Variants in F13A1 observed in about 807,000 individuals in gnomAD.
F13A1 encodes FSF, A subunit.
A neutral mutation model predicts 80.1 loss-of-function variants in F13A1; 47 were observed. The observed-to-expected ratio is 0.59, with a 90% CI of 0.46 to 0.75. The LOEUF is 0.75. Among genes scored for constraint, F13A1 ranks in the 30% least tolerant of loss-of-function variants. The probability of loss-of-function intolerance (pLI) is 0.00; values close to 1 mark genes in which losing one functional copy is unlikely to be tolerated. For missense variants in F13A1, 817 were observed against 930.4 expected, an observed-to-expected ratio of 0.88 and a Z score of 1.59; for synonymous variants, 349 against 344.9, an observed-to-expected ratio of 1.01 and a Z score of -0.13.
intron 3 of F13A1, 88 bp from the exon 4 acceptor site, chr6:6,266,897 G>T: frequency 6.5e-7 from 1 of 1,543,680 alleles, no homozygotes; most frequent in Non-Finnish European, 8.9e-7. Flanking sequence ...TGAAGGGACA[G>T]GAGTAATCCA....
chr6:6,317,709 A>G (rs3024326), intron 2 of F13A1, among the ~76,000 whole-genome samples: 43,548 of 152,008 alleles, frequency 0.29, 6,580 homozygotes, highest in Non-Finnish European at 0.32. Context: ...CCCAGCAAAT[A>G]GGTGTTTATC....
At chr6:6,242,870 T>G (rs182481875) in intron 6 of F13A1, among the ~76,000 whole-genome samples, 11 of 152,338 alleles carry the variant, frequency 7.2e-5, no homozygotes, top group African/African-American at 2.6e-4. Flanking sequence ...GGGAAACCTT[T>G]GAGCTACATT....
At chr6:6,253,412 T>C (rs1757661538) in intron 4 of F13A1, among the ~76,000 whole-genome samples, 2 of 152,164 alleles carry the variant, frequency 1.3e-5, no homozygotes, top group Admixed American at 1.3e-4. Flanking sequence ...GTCTAAAATA[T>C]GACTGCGCAG....
chr6:6,204,533 T>C (rs1761453171), intron 8 of F13A1, among the ~76,000 whole-genome samples: 1 of 152,194 alleles, frequency 6.6e-6, no homozygotes, highest in Non-Finnish European at 1.5e-5. Context: ...CAGACAACAA[T>C]ATTGTTGACA....
At chr6:6,212,230 A>G (rs1051267812) in intron 8 of F13A1, among the ~76,000 whole-genome samples, 14 of 152,246 alleles carry the variant, frequency 9.2e-5, no homozygotes, top group Non-Finnish European at 1.5e-4. Flanking sequence ...GGGGCAGGGC[A>G]CAGACAAACA....
intron 6 of F13A1, among the ~76,000 whole-genome samples, chr6:6,228,249 A>C (rs1318556659): frequency 1.3e-5 from 2 of 152,148 alleles, no homozygotes; most frequent in Non-Finnish European, 2.9e-5. Flanking sequence ...TTAGAAAAAA[A>C]TTTCAAAAAC....
chr6:6,181,709 G>A (rs759822974), intron 11 of F13A1, among the ~76,000 whole-genome samples: 18 of 152,170 alleles, frequency 1.2e-4, no homozygotes, highest in South Asian at 4.1e-4. Context: ...TTGTGAGCAA[G>A]AACATATTCT....
intron 6 of F13A1, among the ~76,000 whole-genome samples, chr6:6,247,630 A>C: frequency 6.6e-6 from 1 of 152,112 alleles, no homozygotes; most frequent in East Asian, 1.9e-4. Flanking sequence ...TGCATTCTCA[A>C]AGTTGTTTTA....
chr6:6,314,197 G>GTCT (rs1430968067), intron 2 of F13A1, among the ~76,000 whole-genome samples: 3 of 151,994 alleles, frequency 2.0e-5, no homozygotes, highest in African/African-American at 7.3e-5. Context: ...GGCCAGGCTG[G>GTCT]TCTCGAACTC....
At position 6,305,487 on chromosome 6, in the gene F13A1, G is replaced by C. The variant is rs121913067; in HGVS notation, c.183C>G (p.Asn61Lys). Residue 61 changes from asparagine to lysine, a missense_variant, in exon 3 of 15, where the codon AAC becomes AAG. Physicochemically the swap from Asn to Lys is moderately conservative, Grantham distance 94. Coordinates refer to ENST00000264870, the MANE Select transcript of F13A1 (RefSeq NM_000129.4). Reference sequence around the variant, plus strand: ...ACTTGTCAGTGTGGTGGTCCACCTTGTTAGTGTCCCATCTCTCCTTGAACA... The same window carrying C: ...ACTTGTCAGTGTGGTGGTCCACCTTCTTAGTGTCCCATCTCTCCTTGAACA... ...VHLFKERWDT[N>K]KVDHHTDKYE... is the part of the protein sequence containing the mutation. 1 of 1,614,208 alleles carries C rather than the reference G, an allele frequency of 6.2e-7. No homozygotes were observed. The highest frequency in any genetic ancestry group is 8.5e-7 in the Non-Finnish European group (1 of 1,180,032).
At chr6:6,314,844 T>C (rs1373517542) in intron 2 of F13A1, among the ~76,000 whole-genome samples, 1 of 152,190 alleles carries the variant, frequency 6.6e-6, no homozygotes, top group African/African-American at 2.4e-5. Context: ...TGCTGGACAA[T>C]AGCATTTCTC....
chr6:6,297,193 T>C (rs980726758), intron 3 of F13A1, among the ~76,000 whole-genome samples: 1 of 151,800 alleles, frequency 6.6e-6, no homozygotes, highest in African/African-American at 2.4e-5. Flanking sequence ...ATCAAAGATA[T>C]TGGTCTAAAA....
At chr6:6,176,408 T>C (rs1482237513) in intron 11 of F13A1, among the ~76,000 whole-genome samples, 1 of 152,216 alleles carries the variant, frequency 6.6e-6, no homozygotes, top group African/African-American at 2.4e-5. Flanking sequence ...ATCACTTTCC[T>C]TGTTTGTAAA....
intron 6 of F13A1, among the ~76,000 whole-genome samples, chr6:6,244,014 C>T (rs757110318): frequency 2.0e-5 from 3 of 152,194 alleles, no homozygotes; most frequent in Non-Finnish European, 2.9e-5. Flanking sequence ...CGCAGTAATG[C>T]CAGGTGGTTG....
intron 10 of F13A1, among the ~76,000 whole-genome samples, chr6:6,193,887 G>A (rs1383749350): frequency 6.6e-6 from 1 of 152,158 alleles, no homozygotes; most frequent in Non-Finnish European, 1.5e-5. Flanking sequence ...AAGTGAAAAC[G>A]AGGGGATAAA....
intron 10 of F13A1, among the ~76,000 whole-genome samples, chr6:6,192,354 G>A (rs1761216449): frequency 6.6e-6 from 1 of 152,118 alleles, no homozygotes; most frequent in Non-Finnish European, 1.5e-5. Context: ...AGGGAGATGA[G>A]TTAGGAGGAG....
intron 4 of F13A1, among the ~76,000 whole-genome samples, chr6:6,254,021 C>T (rs1468101103): frequency 1.3e-5 from 2 of 152,054 alleles, no homozygotes; most frequent in Non-Finnish European, 2.9e-5. Context: ...AGAAACATAA[C>T]GTTCAATAAA....
Position 6,243,220 on chromosome 6 carries a change from CCAT to C in F13A1, c.798+5089_798+5091del, listed in dbSNP as rs1757508304. On this transcript the variant is annotated intron_variant, in intron 6 of 14. Transcript: ENST00000264870. This position sits in a 1 kb window ranked among gnomAD's most constrained non-coding sequence, Gnocchi z 4.2. ...ACCATCACTCCTACCATCACCACCACCATCACCGTCACCATCTCCACCACCACC... is the reference window on the plus strand; with the variant it reads ...ACCATCACTCCTACCATCACCACCACCACCGTCACCATCTCCACCACCACC... Among the ~76,000 whole-genome samples the C allele has an allele frequency of 6.6e-6, 1 of 150,698 alleles. No homozygotes were observed. Among genetic ancestry groups the C allele is most frequent in the Non-Finnish European group, 1.5e-5 (1 of 67,554 alleles).
chr6:6,296,551 T>A (rs1368232275), intron 3 of F13A1, among the ~76,000 whole-genome samples: 1 of 151,192 alleles, frequency 6.6e-6, no homozygotes, highest in African/African-American at 2.5e-5. Flanking sequence ...TCTGTTTGTC[T>A]GTTGCTGGTG....
Sources: gnomAD v4.1 joint callset for allele counts (sites outside exome capture counted in the v4.1 genomes callset) on GRCh38, gnomAD v4.1.1 for gene constraint, Gnocchi (gnomAD v3.1) non-coding constraint, MANE v1.5 for transcripts, NCBI Gene and HGNC (gene_info 2026-07-23, HGNC 2026-07-21) for gene names.